Variants in ODAD2 observed in about 807,000 individuals in gnomAD.
ODAD2 encodes outer dynein arm docking complex subunit 2, also known as outer dynein arm-docking complex subunit 2.
Under a neutral mutation model 106.8 loss-of-function variants are expected in ODAD2, and 89 were observed. The observed-to-expected ratio is 0.83, with a 90% CI of 0.70 to 0.99. The LOEUF is 0.99. ODAD2 is among the 50% of genes least tolerant of loss of function. The pLI, the probability that ODAD2 is intolerant of heterozygous loss-of-function variation, is 0.00. For missense variants in ODAD2, 1,168 were observed against 1,238.5 expected (o/e 0.94, Z 0.85); for synonymous variants, 404 against 436.2 (o/e 0.93, Z 0.92).
In ODAD2 at chr10:27,944,933, C is replaced by T. The variant is rs1420271169; in HGVS notation, c.1416G>A (p.Ala472=). The stretch of plus-strand genomic sequence containing the variant: ...AGCTGAAATCCCTCATTGAACACAA[C>T]GCAATCACTGTAGCTGTTTGATTTC... ...KGGNQTATVI[A]LCSMRDFSLA... Residue 472 remains alanine, a synonymous_variant, in exon 11 of 20, where the codon GCG becomes GCA. Coordinates refer to ENST00000305242, the MANE Select transcript of ODAD2 (RefSeq NM_018076.5). The T allele has an allele frequency of 9.3e-6, 15 of 1,614,020 alleles. No individual in the cohort carries two copies. The highest frequency in any genetic ancestry group is 6.7e-5 in the East Asian group (3 of 44,884).
rs1279055499 is a variant in ODAD2, at chr10:27,837,249, C to T, written c.3021+23376G>A. 3.3e-5 allele frequency among the ~76,000 whole-genome samples: 5 copies of T among 152,296 alleles called. 1 individual carries two copies. The East Asian group carries it at 9.6e-4, about 29-fold the overall frequency. On this transcript the variant is annotated intron_variant, in intron 19 of 19. Coordinates refer to ENST00000305242, the MANE Select transcript of ODAD2 (RefSeq NM_018076.5). ...ACTGGTCACTCAGAGTGAGACCTAT[C>T]GTGGGGGCCATCCTGGCCACACATC...
chr10:27,971,257 G>A lies in ODAD2; in HGVS notation c.993C>T (p.Pro331=). The A allele has an allele frequency of 6.2e-7, 1 of 1,613,454 alleles. No individual in the cohort carries two copies. The highest frequency in any genetic ancestry group is 1.1e-5 in the South Asian group (1 of 90,990). ...GGAGGGCAGCTGCTTCTTCCTTCTT[G>A]GGGGCTTTGCCAAGCTGATCCTTTT... is the stretch of plus-strand genomic sequence containing the variant. ...QKEKDQLGKA[P]KKEEAAALRK... is the part of the protein sequence containing the mutation. The change falls in exon 8 of 20, where the codon CCC becomes CCT. Residue 331 remains proline (P), a synonymous_variant. Coordinates refer to ENST00000305242, the MANE Select transcript of ODAD2 (RefSeq NM_018076.5).
intron 17 of ODAD2, among the ~76,000 whole-genome samples, chr10:27,900,426 C>T (rs779586970): frequency 2.7e-4 from 41 of 152,130 alleles, no homozygotes; most frequent in Non-Finnish European, 4.9e-4. Context: ...GATCATAACT[C>T]CTCACCAGCA....
intron 17 of ODAD2, among the ~76,000 whole-genome samples, chr10:27,891,981 A>G (rs1234871655): frequency 6.6e-6 from 1 of 152,174 alleles, no homozygotes; most frequent in East Asian, 1.9e-4. Flanking sequence ...TACCAGATTC[A>G]GTTGCATTCT....
At chr10:27,888,661 T>C (rs1023101187) in intron 17 of ODAD2, among the ~76,000 whole-genome samples, 1 of 152,208 alleles carries the variant, frequency 6.6e-6, no homozygotes, top group African/African-American at 2.4e-5. Flanking sequence ...AAAAGCTTTT[T>C]AATTTAATTA....
chr10:27,981,590 A>C lies in ODAD2; in HGVS notation c.820-8T>G. 6 of 1,516,030 alleles carry C rather than the reference A, an allele frequency of 4.0e-6. No individual in the cohort carries two copies. The highest frequency in any genetic ancestry group is 4.4e-6 in the Non-Finnish European group (5 of 1,134,580). 93.9% of individuals were successfully genotyped at this position (1,516,030 alleles called of 1,614,324 possible). ...TTCATCATCTGTTTTGCCCTTTGGG[A>C]AAAAACAAGTTTCATTCTATGATTA... is the stretch of plus-strand genomic sequence containing the variant. On this transcript the variant is annotated splice_region_variant and splice_polypyrimidine_tract_variant and intron_variant, in intron 6 of 19. Transcript: ENST00000305242.
intron 14 of ODAD2, 129 bp downstream of exon 14, chr10:27,939,768 A>G: frequency 2.1e-6 from 1 of 485,880 alleles, no homozygotes; most frequent in Non-Finnish European, 3.5e-6. Flanking sequence ...AAAACTTAAA[A>G]AAATCAAATA....
At position 27,885,731 on chromosome 10, in the gene ODAD2, A is replaced by T. The variant is rs1248441686; in HGVS notation, c.2610+21932T>A. ...AATATATATTATATATTATATATAA[A>T]ATATATTATGTTATATATAATATAT... On this transcript the variant is annotated intron_variant, in intron 17 of 19. Coordinates refer to ENST00000305242, the MANE Select transcript of ODAD2 (RefSeq NM_018076.5). Among the ~76,000 whole-genome samples the T allele has an allele frequency of 5.2e-3, 190 of 36,410 alleles. 5 individuals carry two copies. Among genetic ancestry groups the T allele is most frequent in the African/African-American group, 0.015 (171 of 11,338 alleles). 23.9% of individuals were successfully genotyped at this position (36,410 alleles called of 152,430 possible).
chr10:27,833,020 T>G (rs1002005251), intron 19 of ODAD2, among the ~76,000 whole-genome samples: 13 of 152,208 alleles, frequency 8.5e-5, no homozygotes, highest in Admixed American at 8.5e-4. Flanking sequence ...GAATCTGTGA[T>G]GAAATTGTTA....
chr10:27,864,543 C>CGGGGAGTGAGGTGAGAGT (rs1840295832), intron 17 of ODAD2, among the ~76,000 whole-genome samples: 4 of 129,994 alleles, frequency 3.1e-5, no homozygotes, highest in African/African-American at 8.9e-5. Flanking sequence ...GAGGTGAGAG[C>CGGGGAGTGAGGTGAGAGT]GGGGAGTGAG....
chr10:27,845,285 G>T (rs904802315), intron 19 of ODAD2, among the ~76,000 whole-genome samples: 2 of 152,142 alleles, frequency 1.3e-5, no homozygotes, highest in East Asian at 3.9e-4. Context: ...TTAAAGAAAA[G>T]AATTTTCAAC....
At chr10:27,934,975 T>C in intron 16 of ODAD2, 35 bp downstream of exon 16, 2 of 1,612,240 alleles carry the variant, frequency 1.2e-6, no homozygotes, top group Non-Finnish European at 1.7e-6. Flanking sequence ...TCCCTAACAC[T>C]TATATAAAAT....
chr10:27,877,431 A>G (rs1841414909), intron 17 of ODAD2, among the ~76,000 whole-genome samples: 1 of 152,132 alleles, frequency 6.6e-6, no homozygotes, highest in Non-Finnish European at 1.5e-5. Context: ...TAAGCTTCCT[A>G]ATGACTCCTA....
intron 8 of ODAD2, among the ~76,000 whole-genome samples, chr10:27,970,495 C>T (rs1258321689): frequency 6.6e-6 from 1 of 152,178 alleles, no homozygotes; most frequent in Non-Finnish European, 1.5e-5. Context: ...CTGCATATTA[C>T]TTGTCCTGAC....
rs1445311081 is a variant in ODAD2, at chr10:27,969,115, T to C, written c.1143-97A>G. On this transcript the variant is annotated intron_variant, in intron 8 of 19. Coordinates refer to ENST00000305242, the MANE Select transcript of ODAD2 (RefSeq NM_018076.5). ...GTAGATATATACTCCGTTATTTCCATGTGCTCAAATGATGCGTGTTCCTGA... is the reference window on the plus strand; with the variant it reads ...GTAGATATATACTCCGTTATTTCCACGTGCTCAAATGATGCGTGTTCCTGA... The C allele has an allele frequency of 6.0e-5, 38 of 629,900 alleles. No homozygotes were observed. The East Asian group carries it at 1.2e-3, about 20-fold the overall frequency. 39.0% of individuals were successfully genotyped at this position (629,900 alleles called of 1,614,324 possible). A position where few individuals can be genotyped will look rare whatever the true frequency, so the allele number is the denominator to read the frequency against.
Position 27,936,896 on chromosome 10 carries a change from G to A in ODAD2, c.2098-16C>T. 6.3e-7 allele frequency: 1 copy of A among 1,583,684 alleles called. No homozygotes were observed. The highest frequency in any genetic ancestry group is 8.6e-7 in the Non-Finnish European group (1 of 1,167,822). On this transcript the variant is annotated splice_polypyrimidine_tract_variant and intron_variant, in intron 14 of 19. Transcript: ENST00000305242. Reference sequence around the variant, plus strand: ...CTTCAGCACACTGCACGAAAAGTCAGACAGAGGCTGTCAGTCATCAAGGAA... The same window carrying A: ...CTTCAGCACACTGCACGAAAAGTCAAACAGAGGCTGTCAGTCATCAAGGAA...
intron 19 of ODAD2, among the ~76,000 whole-genome samples, chr10:27,857,814 G>A (rs573645098): frequency 1.3e-4 from 20 of 152,288 alleles, no homozygotes; most frequent in African/African-American, 4.6e-4. Flanking sequence ...TAGGCGACAC[G>A]GTGACTCTGG....
chr10:27,969,507 G>T (rs1430371696), intron 8 of ODAD2, among the ~76,000 whole-genome samples: 6 of 152,410 alleles, frequency 3.9e-5, no homozygotes, highest in Non-Finnish European at 7.3e-5. Context: ...AAACTCACTT[G>T]CCAGTTAAAA....
intron 19 of ODAD2, among the ~76,000 whole-genome samples, chr10:27,855,689 G>T (rs1839605364): frequency 6.6e-6 from 1 of 152,132 alleles, no homozygotes; most frequent in African/African-American, 2.4e-5. Flanking sequence ...TTGCGTCTGG[G>T]ATCATCTTTC....
Sources: allele counts gnomAD v4.1 joint callset (sites outside exome capture counted in the v4.1 genomes callset), GRCh38; gene constraint gnomAD v4.1.1; transcripts MANE v1.5; gene names NCBI Gene and HGNC (gene_info 2026-07-23, HGNC 2026-07-21).